The following PDE4D variants were observed in gnomAD, a reference collection of about 807,000 sequenced individuals.
PDE4D encodes 3',5'-cyclic-AMP phosphodiesterase 4D.
PDE4D carries 24 observed loss-of-function variants against 87.4 expected under a neutral mutation model. That is an observed-to-expected ratio of 0.27 (90% CI 0.20 to 0.39). PDE4D has a LOEUF of 0.39. Ranked by LOEUF, PDE4D falls within the 10% of genes least tolerant of loss-of-function variation. PDE4D has a pLI of 1.00. For missense variants in PDE4D, 714 were observed against 1,041.0 expected (o/e 0.69, Z 4.32); for synonymous variants, 384 against 383.2 (o/e 1.00, Z -0.02).
At chr5:60,255,020 A>C (rs1178729213) in intron 1 of PDE4D, among the ~76,000 whole-genome samples, 1 of 151,940 alleles carries the variant, frequency 6.6e-6, no homozygotes. Flanking sequence ...ATAAAGAAGA[A>C]TACTGCTGCC....
intron 1 of PDE4D, among the ~76,000 whole-genome samples, chr5:59,327,532 A>G (rs993079367): frequency 6.6e-6 from 1 of 152,188 alleles, no homozygotes; most frequent in Non-Finnish European, 1.5e-5. Flanking sequence ...GCAGGCCCAA[A>G]AATGAAAAAA....
Position 58,975,746 on chromosome 5 carries a change from A to G in PDE4D, c.1924T>C (p.Phe642Leu). The change falls in exon 14 of 15, where the codon TTC (phenylalanine) becomes CTC (leucine). Residue 642 changes from phenylalanine to leucine, a missense_variant. This residue lies in a region of PDE4D where 97 missense variants were observed against 176.9 expected (regional missense o/e 0.55). Transcript: ENST00000340635. This position sits in a 1 kb window ranked among gnomAD's most constrained non-coding sequence, Gnocchi z 4.2. ...RQWTDRIMEE[F>L]FRQGDRERER... ...CTCTCTCGGTCTCCTTGGCGGAAGA[A>G]CTCCTCCATTATCCGGTCCGTCCAC... is the stretch of plus-strand genomic sequence containing the variant. 1 of 1,612,730 alleles carries G rather than the reference A, an allele frequency of 6.2e-7. No homozygotes were observed. Among genetic ancestry groups the G allele is most frequent in the African/African-American group, 1.3e-5 (1 of 74,826 alleles).
chr5:59,065,164 A>C (rs1416227677), intron 5 of PDE4D, among the ~76,000 whole-genome samples: 1 of 151,762 alleles, frequency 6.6e-6, no homozygotes, highest in African/African-American at 2.4e-5. Context: ...AAAGGAAGGA[A>C]ATCCTGTCAT....
At chr5:59,618,810 C>G (rs1261886857) in intron 1 of PDE4D, among the ~76,000 whole-genome samples, 1 of 152,042 alleles carries the variant, frequency 6.6e-6, no homozygotes, top group Admixed American at 6.6e-5. Context: ...CATGAGGGCT[C>G]CACCCTCATG....
chr5:59,373,552 G>A (rs984257991), intron 1 of PDE4D, among the ~76,000 whole-genome samples: 7 of 152,080 alleles, frequency 4.6e-5, no homozygotes, highest in Admixed American at 2.0e-4. Context: ...CTGAATCTAC[G>A]ACTCATTGGT....
chr5:59,475,048 A>G (rs73758512), intron 1 of PDE4D, among the ~76,000 whole-genome samples: 6,653 of 152,154 alleles, frequency 0.044, 507 homozygotes, highest in African/African-American at 0.15. Flanking sequence ...TCTTCAAGTC[A>G]TGAAGGAAGA....
intron 2 of PDE4D, among the ~76,000 whole-genome samples, chr5:59,990,532 A>T (rs1582072430): frequency 2.3e-5 from 1 of 43,588 alleles, no homozygotes; most frequent in Admixed American, 3.6e-4. Flanking sequence ...GAGAAGATTT[A>T]AAAAACAAAC....
intron 2 of PDE4D, among the ~76,000 whole-genome samples, chr5:60,056,442 AG>A (rs1770788425): frequency 6.6e-6 from 1 of 152,016 alleles, no homozygotes; most frequent in South Asian, 2.1e-4. Flanking sequence ...AGCCAGCCAC[AG>A]GGATCAGTGT....
At chr5:60,497,000 A>G (rs1376488250) in intron 1 of PDE4D, among the ~76,000 whole-genome samples, 2 of 152,244 alleles carry the variant, frequency 1.3e-5, no homozygotes, top group Non-Finnish European at 2.9e-5. Context: ...TTACTATACC[A>G]GTTCTCTATT....
intron 1 of PDE4D, among the ~76,000 whole-genome samples, chr5:60,413,353 G>C (rs1373674053): frequency 6.6e-6 from 1 of 152,152 alleles, no homozygotes; most frequent in Non-Finnish European, 1.5e-5. Context: ...ATCTGAAGGA[G>C]AAGCATCCCT....
chr5:60,171,537 A>C (rs990845167), intron 2 of PDE4D, among the ~76,000 whole-genome samples: 2 of 152,144 alleles, frequency 1.3e-5, no homozygotes, highest in Non-Finnish European at 2.9e-5. Flanking sequence ...GAGAGACAGA[A>C]TAAAAGCTCT....
intron 6 of PDE4D, among the ~76,000 whole-genome samples, chr5:59,016,390 C>CTTTTTTTT (rs35622981): frequency 5.1e-4 from 40 of 78,560 alleles, no homozygotes; most frequent in African/African-American, 5.5e-4. Context: ...TCAGTCTGTT[C>CTTTTTTTT]TTTTTTTTTT....
At chr5:59,924,564 G>GA (rs35983103) in intron 3 of PDE4D, among the ~76,000 whole-genome samples, 7,661 of 134,308 alleles carry the variant, frequency 0.057, 646 homozygotes, top group African/African-American at 0.2. Context: ...ACAAAGTGTG[G>GA]AAAAAAAAAA....
At chr5:59,603,285 A>C (rs891889728) in intron 1 of PDE4D, among the ~76,000 whole-genome samples, 1 of 151,996 alleles carries the variant, frequency 6.6e-6, no homozygotes, top group African/African-American at 2.4e-5. Context: ...AAAATATAAG[A>C]AACTCAAACA....
intron 1 of PDE4D, among the ~76,000 whole-genome samples, chr5:59,717,053 AC>A (rs1434087014): frequency 2.6e-5 from 4 of 152,050 alleles, no homozygotes; most frequent in Non-Finnish European, 5.9e-5. Flanking sequence ...TAGGGATAAA[AC>A]CCTTTCATCT....
chr5:60,390,342 A>C (rs1200426798), intron 1 of PDE4D, among the ~76,000 whole-genome samples: 1 of 152,176 alleles, frequency 6.6e-6, no homozygotes, highest in Non-Finnish European at 1.5e-5. Flanking sequence ...AAAGAGGCCA[A>C]CCTTTGCCAA....
intron 1 of PDE4D, among the ~76,000 whole-genome samples, chr5:59,500,279 C>G (rs2153664036): frequency 6.6e-6 from 1 of 152,236 alleles, no homozygotes; most frequent in Middle Eastern, 3.4e-3. Context: ...GAAAATAAAC[C>G]ATTCTACCAA....
intron 2 of PDE4D, among the ~76,000 whole-genome samples, chr5:60,076,544 G>C (rs1773314900): frequency 6.6e-6 from 1 of 152,270 alleles, no homozygotes; most frequent in African/African-American, 2.4e-5. Context: ...GGTGGTATAA[G>C]GTGGGTTCAG....
intron 1 of PDE4D, among the ~76,000 whole-genome samples, chr5:60,293,050 C>T (rs555262807): frequency 2.0e-5 from 3 of 151,454 alleles, no homozygotes; most frequent in South Asian, 2.1e-4. Context: ...CTTTCACCCA[C>T]GCTAGAGTGA....
Sources: allele counts gnomAD v4.1 joint callset (sites outside exome capture counted in the v4.1 genomes callset), GRCh38; gene constraint gnomAD v4.1.1; regional missense constraint gnomAD v4.1.1; non-coding constraint Gnocchi (gnomAD v3.1); transcripts MANE v1.5; gene names NCBI Gene and HGNC (gene_info 2026-07-23, HGNC 2026-07-21).